NACC2: variants seen among roughly 807,000 people sequenced by gnomAD.
The protein encoded by NACC2 is NACC family member 2, also known as nucleus accumbens-associated protein 2.
A neutral mutation model predicts 25.1 loss-of-function variants in NACC2; 8 were observed. That is an observed-to-expected ratio of 0.32 (90% CI 0.19 to 0.57). NACC2 has a LOEUF of 0.57. Among genes scored for constraint, NACC2 ranks in the 20% least tolerant of loss-of-function variants. The pLI, the probability that NACC2 is intolerant of heterozygous loss-of-function variation, is 0.89. For missense variants in NACC2, 644 were observed against 650.2 expected (o/e 0.99, Z 0.10); for synonymous variants, 435 against 294.7 (o/e 1.48, Z -4.88).
At chr9:136,076,399 C>T (rs1365788116) in intron 1 of NACC2, among the ~76,000 whole-genome samples, 1 of 152,192 alleles carries the variant, frequency 6.6e-6, no homozygotes, top group African/African-American at 2.4e-5. Flanking sequence ...CCCCCCAGCC[C>T]GGTGAACCTC....
chr9:136,050,527 G>C lies in NACC2; in HGVS notation c.-6C>G, dbSNP rs1840812476. ...ATGTGCAGCATCTGAGACATGGCGG[G>C]CGGGCAGCGGCGGGGCTGGGCTCTC... On this transcript the variant is annotated 5_prime_UTR_variant, in exon 2 of 6. Transcript: ENST00000277554. 6 of 758,254 alleles carry C rather than the reference G, an allele frequency of 7.9e-6. No individual in the cohort carries two copies. The South Asian group carries it at 8.1e-5, about 10-fold the overall frequency. The allele number at this position is 758,254 out of a possible 1,614,324, so 47.0% of individuals were successfully genotyped here.
intron 1 of NACC2, among the ~76,000 whole-genome samples, chr9:136,082,148 G>A (rs978779411): frequency 2.6e-5 from 4 of 152,222 alleles, no homozygotes; most frequent in African/African-American, 7.2e-5. Context: ...GCAGGTGACC[G>A]CCCAGGACTC....
In NACC2 at chr9:136,055,061, G is replaced by A. The variant is rs1302475843; in HGVS notation, c.-59-4481C>T. On this transcript the variant is annotated intron_variant, in intron 1 of 5. Coordinates refer to ENST00000277554, the MANE Select transcript of NACC2 (RefSeq NM_144653.5). The surrounding 1 kb of genome is among the most constrained non-coding windows in gnomAD (Gnocchi z 4.9). Reference sequence around the variant, plus strand: ...GAAAATACAGGTGGCTGTGGTGTCGGAGTGGGGGGTCTCTCCTCTGCAGAG... The same window carrying A: ...GAAAATACAGGTGGCTGTGGTGTCGAAGTGGGGGGTCTCTCCTCTGCAGAG... Among the ~76,000 whole-genome samples, 1 of 152,114 alleles carries A rather than the reference G, an allele frequency of 6.6e-6. No individual in the cohort carries two copies.
chr9:136,057,871 G>A lies in NACC2; in HGVS notation c.-59-7291C>T, dbSNP rs375620069. On this transcript the variant is annotated intron_variant, in intron 1 of 5. Transcript: ENST00000277554. Reference sequence around the variant, plus strand: ...CCCAGGCACCGACAGTCAGAGGTGGGCAATGGGAGGCGGTCTGGAGCGTGC... The same window carrying A: ...CCCAGGCACCGACAGTCAGAGGTGGACAATGGGAGGCGGTCTGGAGCGTGC... 1.3e-3 allele frequency among the ~76,000 whole-genome samples: 201 copies of A among 152,354 alleles called. 6 individuals carry two copies. The South Asian group carries it at 0.039, about 30-fold the overall frequency.
At chr9:136,059,752 G>A (rs1840982043) in intron 1 of NACC2, among the ~76,000 whole-genome samples, 1 of 152,184 alleles carries the variant, frequency 6.6e-6, no homozygotes, top group Non-Finnish European at 1.5e-5. Flanking sequence ...TGGCTACATG[G>A]GGACTGTTGG....
intron 2 of NACC2, among the ~76,000 whole-genome samples, chr9:136,044,767 C>T (rs923250731): frequency 1.9e-4 from 29 of 152,326 alleles, no homozygotes; most frequent in Admixed American, 3.9e-4. Flanking sequence ...TACAGCCCTG[C>T]TCCCCGACCG....
At chr9:136,031,138 T>C (rs529795136) in intron 2 of NACC2, among the ~76,000 whole-genome samples, 31 of 152,220 alleles carry the variant, frequency 2.0e-4, no homozygotes, top group Non-Finnish European at 3.8e-4. Context: ...TATGACATTT[T>C]TTCAAAGGTT....
intron 2 of NACC2, among the ~76,000 whole-genome samples, chr9:136,027,662 C>A (rs1422713376): frequency 6.6e-6 from 1 of 152,044 alleles, no homozygotes; most frequent in Non-Finnish European, 1.5e-5. Flanking sequence ...CTAGAAAATA[C>A]CTTTATCTGA....
At chr9:136,040,518 T>C (rs1840612343) in intron 2 of NACC2, among the ~76,000 whole-genome samples, 1 of 152,122 alleles carries the variant, frequency 6.6e-6, no homozygotes, top group Non-Finnish European at 1.5e-5. Context: ...TAGGCAAACA[T>C]GCAAAACACA....
At position 136,049,846 on chromosome 9, in the gene NACC2, C is replaced by T; in HGVS notation, c.676G>A (p.Val226Met). The change falls in exon 2 of 6, where the codon GTG becomes ATG. Residue 226 changes from valine (V) to methionine (M), a missense_variant. By Grantham distance (21) the Val-to-Met change is conservative. Transcript: ENST00000277554. Reference sequence around the variant, plus strand: ...GGGATGAGGGTGGCCAGGCTGGGCACCCCGTAGTAGGAGACACGGGGCAGT... The same window carrying T: ...GGGATGAGGGTGGCCAGGCTGGGCATCCCGTAGTAGGAGACACGGGGCAGT... ...LKLPRVSYYG[V>M]PSLATLIPGI... The T allele has an allele frequency of 2.9e-6, 2 of 693,020 alleles. No individual in the cohort carries two copies. The highest frequency in any genetic ancestry group is 2.2e-5 in the Admixed American group (1 of 46,472). The allele number at this position is 693,020 out of a possible 1,614,324, so 42.9% of individuals were successfully genotyped here. A position where few individuals can be genotyped will look rare whatever the true frequency, so the allele number is the denominator to read the frequency against.
rs1437189144 is a variant in NACC2 at position 136,022,250 on chromosome 9, C to T, written c.887-5821G>A. 6.6e-6 allele frequency among the ~76,000 whole-genome samples: 1 copy of T among 152,206 alleles called. No homozygotes were observed. The highest frequency in any genetic ancestry group is 1.9e-4 in the East Asian group (1 of 5,196). On this transcript the variant is annotated intron_variant, in intron 2 of 5. Transcript: ENST00000277554. The surrounding 1 kb of genome is among the most constrained non-coding windows in gnomAD (Gnocchi z 4.4). ...TGTGGGGGCACCACAGACGGGTGAC[C>T]AGGCCCGGGTGATGAGGTAACGGGT...
chr9:136,020,540 G>A lies in NACC2; in HGVS notation c.887-4111C>T, dbSNP rs764774213. 1.3e-5 allele frequency among the ~76,000 whole-genome samples: 2 copies of A among 152,216 alleles called. No homozygotes were observed. Among genetic ancestry groups the A allele is most frequent in the African/African-American group, 2.4e-5 (1 of 41,448 alleles). ...GCCTGGTGGAGCCCAGCAGAGCCTCGGCGGGGGTAGGAGGGAGACGGGGAG... is the reference window on the plus strand; with the variant it reads ...GCCTGGTGGAGCCCAGCAGAGCCTCAGCGGGGGTAGGAGGGAGACGGGGAG... On this transcript the variant is annotated intron_variant, in intron 2 of 5. Coordinates refer to ENST00000277554, the MANE Select transcript of NACC2 (RefSeq NM_144653.5). This position sits in a 1 kb window ranked among gnomAD's most constrained non-coding sequence, Gnocchi z 4.7.
rs766172062 is a variant in NACC2 at position 136,011,558 on chromosome 9, G to T, written c.1722C>A (p.Ala574=). Residue 574 remains alanine (A), a synonymous_variant, in exon 6 of 6, where the codon GCC becomes GCA. Coordinates refer to ENST00000277554, the MANE Select transcript of NACC2 (RefSeq NM_144653.5). ...GGPSRPQTPA[A]AARRPEGTYA... ...AGGTGCCCTCCGGCCTCCGGGCCGC[G>T]GCCGCCGGCGTCTGGGGCCTGCTGG... 2.8e-6 allele frequency: 4 copies of T among 1,407,488 alleles called. No individual in the cohort carries two copies. Among genetic ancestry groups the T allele is most frequent in the Non-Finnish European group, 2.8e-6 (3 of 1,086,750 alleles). 87.2% of individuals were successfully genotyped at this position (1,407,488 alleles called of 1,614,324 possible).
intron 1 of NACC2, among the ~76,000 whole-genome samples, chr9:136,059,972 G>A (rs746526186): frequency 1.8e-4 from 28 of 152,212 alleles, no homozygotes; most frequent in Non-Finnish European, 3.4e-4. Flanking sequence ...ACGGGGAGCC[G>A]CCTCGGGGGA....
At chr9:136,046,459 G>A (rs1362516959) in intron 2 of NACC2, among the ~76,000 whole-genome samples, 7 of 152,222 alleles carry the variant, frequency 4.6e-5, no homozygotes, top group Non-Finnish European at 8.8e-5. Flanking sequence ...CCTGCCTGCC[G>A]CAGGGGTGAT....
intron 3 of NACC2, among the ~76,000 whole-genome samples, chr9:136,015,850 C>G (rs535661555): frequency 6.6e-6 from 1 of 152,224 alleles, no homozygotes; most frequent in Non-Finnish European, 1.5e-5. Context: ...CCGGCCCCCA[C>G]GGGCTTCTGG....
intron 1 of NACC2, among the ~76,000 whole-genome samples, chr9:136,094,121 C>G (rs1830462004): frequency 6.6e-6 from 1 of 152,182 alleles, no homozygotes; most frequent in African/African-American, 2.4e-5. Context: ...ACCCCCGGGT[C>G]AGCACCCCCG....
intron 2 of NACC2, among the ~76,000 whole-genome samples, chr9:136,041,536 C>A (rs1752628349): frequency 6.6e-6 from 1 of 150,652 alleles, no homozygotes; most frequent in Non-Finnish European, 1.5e-5. Flanking sequence ...TTCCATTGAA[C>A]CAAAGTGCCC....
intron 2 of NACC2, among the ~76,000 whole-genome samples, chr9:136,046,441 GGAAGGTCCCTGC>G (rs1840726069): frequency 6.6e-6 from 1 of 152,248 alleles, no homozygotes; most frequent in Admixed American, 6.5e-5. Context: ...AGGGCCAGGA[GGAAGGTCCCTGC>G]CTGCCGCAGG....
Sources: gnomAD v4.1 joint callset for allele counts (sites outside exome capture counted in the v4.1 genomes callset) on GRCh38, gnomAD v4.1.1 for gene constraint, Gnocchi (gnomAD v3.1) non-coding constraint, MANE v1.5 for transcripts, NCBI Gene and HGNC (gene_info 2026-07-23, HGNC 2026-07-21) for gene names.